CUEDC1: variants seen among roughly 807,000 people sequenced by gnomAD.
The protein encoded by CUEDC1 is CUE domain-containing protein 1.
Under a neutral mutation model 43.7 loss-of-function variants are expected in CUEDC1, and 30 were observed. The observed-to-expected ratio is 0.69, with a 90% CI of 0.51 to 0.93. CUEDC1 has a LOEUF of 0.93. Ranked by LOEUF, CUEDC1 falls within the 40% of genes least tolerant of loss-of-function variation. The pLI, the probability that CUEDC1 is intolerant of heterozygous loss-of-function variation, is 0.00. For synonymous variants in CUEDC1, 223 were observed against 223.6 expected, an observed-to-expected ratio of 1.00 and a Z score of 0.02; for missense variants, 486 against 549.0, an observed-to-expected ratio of 0.89 and a Z score of 1.15.
intron 1 of CUEDC1, among the ~76,000 whole-genome samples, chr17:57,904,023 A>C (rs2074501738): frequency 6.6e-6 from 1 of 151,986 alleles, no homozygotes; most frequent in Admixed American, 6.6e-5. Context: ...AGGGAGACCA[A>C]GCAAAGGAGG....
At chr17:57,917,404 C>T (rs902178522) in intron 1 of CUEDC1, among the ~76,000 whole-genome samples, 4 of 152,218 alleles carry the variant, frequency 2.6e-5, no homozygotes, top group South Asian at 2.1e-4. Flanking sequence ...CATCCTGGGA[C>T]GAAGGGGCAA....
intron 1 of CUEDC1, among the ~76,000 whole-genome samples, chr17:57,925,791 A>T (rs1355443960): frequency 6.6e-6 from 1 of 152,220 alleles, no homozygotes. Context: ...AAAGAGAAGG[A>T]GCCACAGCAG....
chr17:57,917,240 A>C (rs2074651851), intron 1 of CUEDC1, among the ~76,000 whole-genome samples: 1 of 148,642 alleles, frequency 6.7e-6, no homozygotes. Context: ...CAACAAGGCC[A>C]GTGGCTTGAT....
chr17:57,867,565 G>T, intron 8 of CUEDC1, 150 bp from the exon 9 acceptor site: 1 of 689,948 alleles, frequency 1.4e-6, no homozygotes, highest in South Asian at 1.7e-5. Context: ...CTGTCCCCCA[G>T]GCTCATTTTC....
Position 57,867,340 on chromosome 17 carries a change from C to CT in CUEDC1, c.1093+16dup, listed in dbSNP as rs2073973595. 1 of 1,551,142 alleles carries CT rather than the reference C, an allele frequency of 6.4e-7. No homozygotes were observed. The highest frequency in any genetic ancestry group is 1.4e-5 in the African/African-American group (1 of 73,036). ...ATCATAGAGAAGTTGGAGCTTACGA[C>CT]TCCCCTCCAGCCTCACCACACGCGT... On this transcript the variant is annotated intron_variant, in intron 9 of 10. Coordinates refer to ENST00000577830, the MANE Select transcript of CUEDC1 (RefSeq NM_001271875.2).
intron 6 of CUEDC1, among the ~76,000 whole-genome samples, chr17:57,869,696 C>G (rs2074009598): frequency 6.6e-6 from 1 of 152,136 alleles, no homozygotes; most frequent in Admixed American, 6.5e-5. Flanking sequence ...GCCAGGTAAG[C>G]CCATCCATTG....
At chr17:57,903,969 CA>C (rs1238322147) in intron 1 of CUEDC1, among the ~76,000 whole-genome samples, 12 of 150,584 alleles carry the variant, frequency 8.0e-5, no homozygotes, top group African/African-American at 2.9e-4. Context: ...GGGTTTCCAA[CA>C]GGGATAAAAT....
At chr17:57,948,530 G>A (rs955007492) in intron 1 of CUEDC1, among the ~76,000 whole-genome samples, 2 of 152,178 alleles carry the variant, frequency 1.3e-5, no homozygotes, top group Admixed American at 6.5e-5. Context: ...CAAAGGAGGG[G>A]TTAGGCCAAA....
At chr17:57,939,589 T>C (rs546462680) in intron 1 of CUEDC1, among the ~76,000 whole-genome samples, 1 of 152,148 alleles carries the variant, frequency 6.6e-6, no homozygotes, top group Non-Finnish European at 1.5e-5. Context: ...CTGAACAGCT[T>C]CTGGACGTGT....
chr17:57,878,515 T>G (rs1315454366), intron 3 of CUEDC1, among the ~76,000 whole-genome samples: 1 of 152,012 alleles, frequency 6.6e-6, no homozygotes, highest in Non-Finnish European at 1.5e-5. Context: ...ACTCCAGGCC[T>G]GAGCCATTCT....
In CUEDC1 at chr17:57,901,530, T is replaced by C. The variant is rs114964615; in HGVS notation, c.-315-15651A>G. Among the ~76,000 whole-genome samples the C allele has an allele frequency of 2.4e-3, 359 of 152,368 alleles. 2 individuals are homozygous for C. The highest frequency in any genetic ancestry group is 8.1e-3 in the African/African-American group (338 of 41,586). ...CCCAGCCGTGAGCCAACCAGGACTC[T>C]GTAAACACTGAGTCTGCACACCTGG... On this transcript the variant is annotated intron_variant, in intron 1 of 10. Coordinates refer to ENST00000577830, the MANE Select transcript of CUEDC1 (RefSeq NM_001271875.2).
chr17:57,862,045 C>A lies in CUEDC1; in HGVS notation c.*1244G>T, dbSNP rs2073885741. On this transcript the variant is annotated 3_prime_UTR_variant, in exon 11 of 11. Transcript: ENST00000577830. Reference sequence around the variant, plus strand: ...TCGCTACGCCCTTGTGATCTTGGGGCCACGGAGGCCACCAGGGCCCGGCCA... The same window carrying A: ...TCGCTACGCCCTTGTGATCTTGGGGACACGGAGGCCACCAGGGCCCGGCCA... 6.6e-6 allele frequency: 1 copy of A among 152,244 alleles called. No individual in the cohort carries two copies. Among genetic ancestry groups the A allele is most frequent in the Non-Finnish European group, 1.5e-5 (1 of 68,048 alleles). The allele number at this position is 152,244 out of a possible 1,614,324, so 9.4% of individuals were successfully genotyped here. A position where few individuals can be genotyped will look rare whatever the true frequency, so the allele number is the denominator to read the frequency against.
At chr17:57,949,435 G>A (rs1567728335) in intron 1 of CUEDC1, among the ~76,000 whole-genome samples, 1 of 151,992 alleles carries the variant, frequency 6.6e-6, no homozygotes, top group Non-Finnish European at 1.5e-5. Flanking sequence ...AACCCTCCAG[G>A]CATGTTCCAA....
chr17:57,905,377 C>T (rs533458288), intron 1 of CUEDC1, among the ~76,000 whole-genome samples: 4 of 152,290 alleles, frequency 2.6e-5, no homozygotes, highest in Middle Eastern at 3.4e-3. Flanking sequence ...GCGCTGCCTG[C>T]GTGCTGAGGC....
At chr17:57,951,606 G>A (rs2075007714) in intron 1 of CUEDC1, among the ~76,000 whole-genome samples, 1 of 151,928 alleles carries the variant, frequency 6.6e-6, no homozygotes, top group Non-Finnish European at 1.5e-5. Flanking sequence ...TTACAAGTAC[G>A]CACCACCATG....
Position 57,872,780 on chromosome 17 carries a change from G to A in CUEDC1, c.667C>T (p.Gln223Ter). ...AGGTACTGCTTCCAGCGGCTCTCCT[G>A]GTCTCCGGGCCCTGGCCCAGCCATG... is the stretch of plus-strand genomic sequence containing the variant. ...PAMAGPGPGD[Q>*]ESRWKQYLED... Residue 223 changes from glutamine (Q) to a stop codon, truncating the protein, a stop_gained, in exon 5 of 11, where the codon CAG becomes TAG. Coordinates refer to ENST00000577830, the MANE Select transcript of CUEDC1 (RefSeq NM_001271875.2). LOFTEE classifies it high-confidence loss of function. The A allele has an allele frequency of 1.2e-6, 2 of 1,614,168 alleles. No homozygotes were observed. The highest frequency in any genetic ancestry group is 8.5e-7 in the Non-Finnish European group (1 of 1,180,022).
At chr17:57,942,990 T>A (rs1299590586) in intron 1 of CUEDC1, among the ~76,000 whole-genome samples, 1 of 152,048 alleles carries the variant, frequency 6.6e-6, no homozygotes, top group African/African-American at 2.4e-5. Context: ...ATCGCGCCAC[T>A]GCACTCCAGC....
At chr17:57,934,118 G>A (rs1000705277) in intron 1 of CUEDC1, among the ~76,000 whole-genome samples, 1 of 152,166 alleles carries the variant, frequency 6.6e-6, no homozygotes, top group Non-Finnish European at 1.5e-5. Context: ...TAAAGGCCAG[G>A]TGCGGTGGCT....
intron 1 of CUEDC1, among the ~76,000 whole-genome samples, chr17:57,891,090 G>A (rs138200503): frequency 6.6e-6 from 1 of 152,254 alleles, no homozygotes; most frequent in African/African-American, 2.4e-5. Context: ...CCCATGGCTT[G>A]GAATACCATC....
Sources: gnomAD v4.1 joint callset for allele counts (sites outside exome capture counted in the v4.1 genomes callset) on GRCh38, gnomAD v4.1.1 for gene constraint, MANE v1.5 for transcripts, NCBI Gene and HGNC (gene_info 2026-07-23, HGNC 2026-07-21) for gene names.